The following RIMBP2 variants were observed in gnomAD, a reference collection of about 807,000 sequenced individuals.
The protein encoded by RIMBP2 is RIMS-binding protein 2.
RIMBP2 carries 48 observed loss-of-function variants against 118.6 expected under a neutral mutation model. That is an observed-to-expected ratio of 0.40 (90% confidence interval 0.32 to 0.51). The LOEUF (loss-of-function observed/expected upper bound fraction) is 0.51. RIMBP2 is among the 20% of genes least tolerant of loss of function. The pLI, the probability that RIMBP2 is intolerant of heterozygous loss-of-function variation, is 0.41. For synonymous variants in RIMBP2, 762 were observed against 742.9 expected, an observed-to-expected ratio of 1.03 and a Z score of -0.42; for missense variants, 1,551 against 1,768.3, an observed-to-expected ratio of 0.88 and a Z score of 2.20.
chr12:130,629,065 C>T (rs530891675), intron 1 of RIMBP2, among the ~76,000 whole-genome samples: 1 of 152,308 alleles, frequency 6.6e-6, no homozygotes, highest in East Asian at 1.9e-4. Flanking sequence ...TTGACATGCA[C>T]AATCAAAATA....
chr12:130,514,666 C>A (rs764200737), intron 3 of RIMBP2, among the ~76,000 whole-genome samples: 2 of 152,148 alleles, frequency 1.3e-5, no homozygotes, highest in African/African-American at 2.4e-5. Context: ...CGTCAGCCTG[C>A]GCTGGAGGCC....
intron 2 of RIMBP2, among the ~76,000 whole-genome samples, chr12:130,591,110 C>T (rs2059228004): frequency 6.6e-6 from 1 of 152,172 alleles, no homozygotes; most frequent in South Asian, 2.1e-4. Context: ...ATATCATTTT[C>T]CTAGGTCCTG....
chr12:130,405,419 G>T (rs922666507), intron 21 of RIMBP2, among the ~76,000 whole-genome samples: 1 of 152,184 alleles, frequency 6.6e-6, no homozygotes, highest in African/African-American at 2.4e-5. Flanking sequence ...GATAAAGGCG[G>T]TGGGGGAGCA....
intron 4 of RIMBP2, among the ~76,000 whole-genome samples, chr12:130,482,112 C>A (rs1003547633): frequency 1.3e-5 from 2 of 152,182 alleles, no homozygotes. Context: ...CTTCTCCAAA[C>A]CCTGGCTGCC....
intron 1 of RIMBP2, among the ~76,000 whole-genome samples, chr12:130,642,294 G>GTT (rs11412210): frequency 3.9e-5 from 6 of 151,934 alleles, no homozygotes; most frequent in African/African-American, 9.7e-5. Context: ...TTTGTTTTGT[G>GTT]TTTTTTTGAG....
At chr12:130,404,203 TACAC>T (rs771904762) in intron 21 of RIMBP2, among the ~76,000 whole-genome samples, 3 of 151,956 alleles carry the variant, frequency 2.0e-5, no homozygotes, top group African/African-American at 4.8e-5. Flanking sequence ...GGGGGACATG[TACAC>T]ACACACACAC....
intron 1 of RIMBP2, among the ~76,000 whole-genome samples, chr12:130,645,556 C>T (rs1166602805): frequency 1.3e-5 from 2 of 152,180 alleles, no homozygotes; most frequent in Admixed American, 1.3e-4. Context: ...TCAAAGTGAA[C>T]TTTAGGATTG....
intron 4 of RIMBP2, among the ~76,000 whole-genome samples, chr12:130,487,690 G>A (rs1320508949): frequency 6.6e-6 from 1 of 152,138 alleles, no homozygotes; most frequent in Non-Finnish European, 1.5e-5. Context: ...TTTTATTTAC[G>A]TGTTTATTCT....
chr12:130,709,635 G>A (rs1019075328), intron 1 of RIMBP2, among the ~76,000 whole-genome samples: 2 of 152,150 alleles, frequency 1.3e-5, no homozygotes, highest in Non-Finnish European at 2.9e-5. Flanking sequence ...CAATATCTCC[G>A]TCCAAGGAGG....
intron 17 of RIMBP2, among the ~76,000 whole-genome samples, chr12:130,421,411 G>T (rs1044089772): frequency 1.3e-5 from 2 of 152,214 alleles, no homozygotes; most frequent in Non-Finnish European, 2.9e-5. Context: ...AAGCTGTGAA[G>T]ATGGAATTTT....
intron 2 of RIMBP2, among the ~76,000 whole-genome samples, chr12:130,559,807 A>G (rs927093471): frequency 6.6e-6 from 1 of 152,212 alleles, no homozygotes; most frequent in African/African-American, 2.4e-5. Flanking sequence ...AGGTATTTAG[A>G]TCCCAGATCT....
chr12:130,627,718 C>T (rs2140919538), intron 2 of RIMBP2, among the ~76,000 whole-genome samples: 1 of 152,298 alleles, frequency 6.6e-6, no homozygotes, highest in Admixed American at 6.5e-5. Context: ...CCCTTGCACT[C>T]CCTCTCAGCC....
chr12:130,414,596 G>A (rs1161988767), intron 17 of RIMBP2: 8 of 258,644 alleles, frequency 3.1e-5, no homozygotes, highest in Admixed American at 4.9e-5. Context: ...CAGGGGCTGC[G>A]GCCGTGCCAG....
chr12:130,402,527 A>G (rs1291921382), intron 21 of RIMBP2, among the ~76,000 whole-genome samples: 1 of 152,112 alleles, frequency 6.6e-6, no homozygotes, highest in Admixed American at 6.5e-5. Flanking sequence ...AAAGTGTACC[A>G]TCAAAACCCT....
chr12:130,453,389 G>A (rs56121008), intron 7 of RIMBP2, among the ~76,000 whole-genome samples: 12,074 of 152,298 alleles, frequency 0.079, 627 homozygotes, highest in Middle Eastern at 0.14. Flanking sequence ...TCTGTCTTGC[G>A]GCCAGCCCTG....
At chr12:130,585,522 G>A (rs1200245217) in intron 2 of RIMBP2, among the ~76,000 whole-genome samples, 1 of 150,886 alleles carries the variant, frequency 6.6e-6, no homozygotes, top group Non-Finnish European at 1.5e-5. Flanking sequence ...TGAGGTGGGA[G>A]AACTGCTTGA....
intron 4 of RIMBP2, among the ~76,000 whole-genome samples, chr12:130,486,112 G>T (rs149528603): frequency 5.3e-5 from 8 of 152,144 alleles, no homozygotes; most frequent in East Asian, 3.9e-4. Flanking sequence ...CATCTCACAC[G>T]CTCTTCCAGC....
chr12:130,533,113 T>G (rs931043320), intron 2 of RIMBP2, among the ~76,000 whole-genome samples: 6 of 149,586 alleles, frequency 4.0e-5, no homozygotes. Context: ...ATGCGTGTGT[T>G]TAGCCTCTAG....
chr12:130,648,322 T>C (rs550097174), intron 1 of RIMBP2, among the ~76,000 whole-genome samples: 1 of 145,748 alleles, frequency 6.9e-6, no homozygotes, highest in South Asian at 2.1e-4. Flanking sequence ...AATTCCACCT[T>C]CATAAATTTA....
Sources: allele counts gnomAD v4.1 joint callset (sites outside exome capture counted in the v4.1 genomes callset), GRCh38; gene constraint gnomAD v4.1.1; transcripts MANE v1.5; gene names NCBI Gene and HGNC (gene_info 2026-07-23, HGNC 2026-07-21).